Variants in CD101 observed in about 807,000 individuals in gnomAD.
CD101 encodes the protein CD101 molecule, also known as immunoglobulin superfamily member 2.
A neutral mutation model predicts 98.2 loss-of-function variants in CD101; 76 were observed. The observed-to-expected ratio is 0.77, with a 90% confidence interval of 0.64 to 0.94. The LOEUF is 0.94. Ranked by LOEUF, CD101 falls within the 40% of genes least tolerant of loss-of-function variation. CD101 has a pLI of 0.00. For missense variants in CD101, 1,145 were observed against 1,218.8 expected (o/e 0.94, Z 0.90); for synonymous variants, 471 against 472.7 (o/e 1.00, Z 0.05).
In CD101 at chr1:117,025,786, G is replaced by A. The variant is rs1339260960; in HGVS notation, c.2706G>A (p.Glu902=). 4 of 1,614,080 alleles carry A rather than the reference G, an allele frequency of 2.5e-6. No homozygotes were observed. The highest frequency in any genetic ancestry group is 2.7e-5 in the African/African-American group (2 of 74,928). ...FVLKLHQVEM[E]DAGMYWCRVA... ...TGAAGCTTCATCAGGTGGAGATGGA[G>A]GATGCAGGAATGTACTGGTGTAGGG... Residue 902 remains glutamate (E), a synonymous_variant, in exon 8 of 10, where the codon GAG becomes GAA. Coordinates refer to ENST00000682167, the MANE Select transcript of CD101 (RefSeq NM_001256106.3).
chr1:117,021,355 G>A lies in CD101; in HGVS notation c.2018-218G>A, dbSNP rs1311680533. On this transcript the variant is annotated intron_variant, in intron 6 of 9. Coordinates refer to ENST00000682167, the MANE Select transcript of CD101 (RefSeq NM_001256106.3). The surrounding 1 kb of genome is among the most constrained non-coding windows in gnomAD (Gnocchi z 4.7). ...ATAAAGTTCAACTTGATATCAGAAA[G>A]CATTCTGGAGGGGCAGAGCTGTCCA... Among the ~76,000 whole-genome samples the A allele has an allele frequency of 2.0e-5, 3 of 152,178 alleles. No individual in the cohort carries two copies. Among genetic ancestry groups the A allele is most frequent in the African/African-American group, 7.2e-5 (3 of 41,442 alleles).
intron 9 of CD101, among the ~76,000 whole-genome samples, chr1:117,035,830 G>A (rs965141955): frequency 2.6e-5 from 4 of 152,186 alleles, no homozygotes; most frequent in African/African-American, 9.7e-5. Flanking sequence ...GGGATTACAG[G>A]CGTGAGCCAC....
In CD101 at chr1:117,035,773, C is replaced by T. The variant is rs142219529; in HGVS notation, c.*34-395C>T. Among the ~76,000 whole-genome samples the T allele has an allele frequency of 6.8e-3, 1,027 of 152,110 alleles. 16 individuals are homozygous for T. Among genetic ancestry groups the T allele is most frequent in the African/African-American group, 0.023 (971 of 41,464 alleles). ...TTCACCGTGTTAGCCAGGATGGTCT[C>T]GATCTCCTGACTTCATGATCCACCC... is the stretch of plus-strand genomic sequence containing the variant. On this transcript the variant is annotated intron_variant, in intron 9 of 9. Transcript: ENST00000682167.
At chr1:117,027,673 C>A (rs193244803) in intron 8 of CD101, among the ~76,000 whole-genome samples, 1 of 152,204 alleles carries the variant, frequency 6.6e-6, no homozygotes, top group African/African-American at 2.4e-5. Flanking sequence ...CCAAATGTGT[C>A]TAGAGTATGA....
At chr1:117,002,188 T>C (rs1349858250) in intron 1 of CD101, among the ~76,000 whole-genome samples, 1 of 152,216 alleles carries the variant, frequency 6.6e-6, no homozygotes, top group Non-Finnish European at 1.5e-5. Flanking sequence ...TAAAAAAGCT[T>C]TGTGTCCCAA....
Position 117,018,206 on chromosome 1 carries a change from A to G in CD101, c.1663A>G (p.Thr555Ala). ...GAGCCGTCAGCCGCAAGTGATGTTA[A>G]CCAACACCTTTGACCTGTCCTGTGT... Reference protein sequence around the residue: ...LMSRQPQVMLTNTFDLSCVVR... With the variant: ...LMSRQPQVMLANTFDLSCVVR... Residue 555 changes from threonine (T) to alanine (A), a missense_variant, in exon 6 of 10, where the codon ACC becomes GCC. Transcript: ENST00000682167. The surrounding 1 kb of genome is among the most constrained non-coding windows in gnomAD (Gnocchi z 4.3). 6.2e-7 allele frequency: 1 copy of G among 1,612,866 alleles called. No homozygotes were observed. The highest frequency in any genetic ancestry group is 8.5e-7 in the Non-Finnish European group (1 of 1,179,150).
intron 1 of CD101, among the ~76,000 whole-genome samples, chr1:117,008,992 TAGTA>T (rs1473664378): frequency 6.6e-6 from 1 of 152,206 alleles, no homozygotes; most frequent in Non-Finnish European, 1.5e-5. Context: ...ATATCAATCA[TAGTA>T]AGTAAAGATA....
chr1:117,008,481 A>C (rs76125552), intron 1 of CD101, among the ~76,000 whole-genome samples: 9,350 of 152,016 alleles, frequency 0.062, 326 homozygotes, highest in Non-Finnish European at 0.072. Flanking sequence ...AAAAATTATT[A>C]CTAGAAATGT....
chr1:117,035,102 G>C (rs1654728288), intron 9 of CD101, among the ~76,000 whole-genome samples: 1 of 152,116 alleles, frequency 6.6e-6, no homozygotes, highest in African/African-American at 2.4e-5. Context: ...GGGGTGGGGT[G>C]TAATGGCTTA....
At chr1:117,035,513 A>C (rs1243326993) in intron 9 of CD101, among the ~76,000 whole-genome samples, 1 of 151,318 alleles carries the variant, frequency 6.6e-6, no homozygotes, top group Non-Finnish European at 1.5e-5. Flanking sequence ...CAGGTAAGGG[A>C]GCATATTTTT....
At chr1:117,009,373 C>A (rs1652739086) in intron 1 of CD101, among the ~76,000 whole-genome samples, 1 of 152,206 alleles carries the variant, frequency 6.6e-6, no homozygotes, top group African/African-American at 2.4e-5. Flanking sequence ...ATAGTTCCAA[C>A]CAACCAGCTA....
At chr1:117,029,217 G>GAAAGA (rs879576591) in intron 8 of CD101, among the ~76,000 whole-genome samples, 2,134 of 21,244 alleles carry the variant, frequency 0.1, 82 homozygotes, top group Admixed American at 0.12. Flanking sequence ...AGAAAGAAAA[G>GAAAGA]AAAGAAAGAA....
chr1:117,020,984 T>G (rs867601747), intron 6 of CD101, among the ~76,000 whole-genome samples: 2 of 152,252 alleles, frequency 1.3e-5, no homozygotes, highest in Admixed American at 6.5e-5. Context: ...GCTCCATATC[T>G]ATACAATGTT....
rs374504260 is a variant in CD101 at position 117,020,372 on chromosome 1, C to T, written c.2018-1201C>T. Among the ~76,000 whole-genome samples, 14 of 152,180 alleles carry T rather than the reference C, an allele frequency of 9.2e-5. No homozygotes were observed. In the East Asian group the frequency reaches 1.2e-3, roughly 13 times the overall value. The stretch of plus-strand genomic sequence containing the variant: ...CAGCCTGGCCAACATAGTGAAACCC[C>T]GTCTCTACTGAAAATGCACAGATTA... On this transcript the variant is annotated intron_variant, in intron 6 of 9. Coordinates refer to ENST00000682167, the MANE Select transcript of CD101 (RefSeq NM_001256106.3).
At position 117,013,618 on chromosome 1, in the gene CD101, G is replaced by A. The variant is rs765689087; in HGVS notation, c.1054G>A (p.Val352Ile). The A allele has an allele frequency of 8.1e-6, 13 of 1,614,162 alleles. No individual in the cohort carries two copies. In the South Asian group the frequency reaches 1.2e-4, roughly 15 times the overall value. ...KERASQGELQ[V>I]SKLGPKAFSL... is the part of the protein sequence containing the mutation. Reference sequence around the variant, plus strand: ...GAGAGCAAGTCAAGGAGAGCTCCAGGTTTCAAAGTTAGGCCCCAAGGCTTT... The same window carrying A: ...GAGAGCAAGTCAAGGAGAGCTCCAGATTTCAAAGTTAGGCCCCAAGGCTTT... The change falls in exon 4 of 10, where the codon GTT (valine) becomes ATT (isoleucine). Residue 352 changes from valine (V) to isoleucine (I), a missense_variant. Coordinates refer to ENST00000682167, the MANE Select transcript of CD101 (RefSeq NM_001256106.3).
chr1:117,013,390 T>G lies in CD101; in HGVS notation c.842-16T>G. 1 of 1,593,374 alleles carries G rather than the reference T, an allele frequency of 6.3e-7. No homozygotes were observed. ...CTGTGGGCTCTCTAAATACCTGCCTTGCTTTTGTTTCCCAGTGAAAGATTT... is the reference window on the plus strand; with the variant it reads ...CTGTGGGCTCTCTAAATACCTGCCTGGCTTTTGTTTCCCAGTGAAAGATTT... On this transcript the variant is annotated splice_polypyrimidine_tract_variant and intron_variant, in intron 3 of 9. Transcript: ENST00000682167.
chr1:117,033,976 G>A lies in CD101; in HGVS notation c.2941G>A (p.Ala981Thr). ...CTCCCTCCTCTGCTTATACTGGAAG[G>A]CCAGGAAGTTGTCAACACTGCGTTC... ...LISLLCLYWK[A>T]RKLSTLRSNT... The change falls in exon 9 of 10, where the codon GCC becomes ACC. Residue 981 changes from alanine to threonine, a missense_variant. Ala to Thr is a moderately conservative substitution (Grantham distance 58, BLOSUM62 0). Coordinates refer to ENST00000682167, the MANE Select transcript of CD101 (RefSeq NM_001256106.3). This position sits in a 1 kb window ranked among gnomAD's most constrained non-coding sequence, Gnocchi z 4.8. 1.2e-6 allele frequency: 2 copies of A among 1,614,068 alleles called. No individual in the cohort carries two copies. Among genetic ancestry groups the A allele is most frequent in the South Asian group, 2.2e-5 (2 of 91,074 alleles).
intron 4 of CD101, among the ~76,000 whole-genome samples, chr1:117,015,166 A>G (rs1653130108): frequency 6.6e-6 from 1 of 152,228 alleles, no homozygotes; most frequent in South Asian, 2.1e-4. Context: ...TAGCAAATTT[A>G]TTAAGGATCC....
chr1:117,029,221 G>GA (rs774980237), intron 8 of CD101, among the ~76,000 whole-genome samples: 7,436 of 39,956 alleles, frequency 0.19, 779 homozygotes, highest in East Asian at 0.3. Context: ...AGAAAAGAAA[G>GA]AAAGAAAGAA....
Sources: gnomAD v4.1 joint callset for allele counts (sites outside exome capture counted in the v4.1 genomes callset) on GRCh38, gnomAD v4.1.1 for gene constraint, Gnocchi (gnomAD v3.1) non-coding constraint, MANE v1.5 for transcripts, NCBI Gene and HGNC (gene_info 2026-07-23, HGNC 2026-07-21) for gene names.